Variants in CDH4 observed in about 807,000 individuals in gnomAD.
CDH4 encodes cadherin-4.
In CDH4, 33 loss-of-function variants were observed where a neutral mutation model predicts 86.0. The observed-to-expected ratio is 0.38, with a 90% CI of 0.29 to 0.51. CDH4 has a LOEUF of 0.51. Among genes scored for constraint, CDH4 ranks in the 20% least tolerant of loss-of-function variants. The probability of loss-of-function intolerance (pLI) is 0.86; values close to 1 mark genes in which losing one functional copy is unlikely to be tolerated. For synonymous variants in CDH4, 555 were observed against 549.4 expected (o/e 1.01, Z -0.14); for missense variants, 1,114 against 1,307.4 (o/e 0.85, Z 2.28).
At chr20:61,699,409 G>C (rs1025602299) in intron 2 of CDH4, among the ~76,000 whole-genome samples, 1 of 152,206 alleles carries the variant, frequency 6.6e-6, no homozygotes, top group Non-Finnish European at 1.5e-5. Context: ...CGGTTGCCAG[G>C]TCAGCGGGCA....
chr20:61,585,121 T>C (rs1418472754), intron 2 of CDH4, among the ~76,000 whole-genome samples: 1 of 152,216 alleles, frequency 6.6e-6, no homozygotes, highest in Admixed American at 6.5e-5. Context: ...TGGCTCAGGG[T>C]GACCAACACG....
intron 2 of CDH4, among the ~76,000 whole-genome samples, chr20:61,628,321 A>G (rs2086851409): frequency 6.6e-6 from 1 of 151,658 alleles, no homozygotes; most frequent in Admixed American, 6.6e-5. Context: ...CTGCACATGG[A>G]ACCGGGCACC....
chr20:61,514,103 A>G (rs2085799805), intron 2 of CDH4, among the ~76,000 whole-genome samples: 1 of 152,246 alleles, frequency 6.6e-6, no homozygotes, highest in Non-Finnish European at 1.5e-5. Context: ...TATGTGGCTT[A>G]AAAAGGACAT....
intron 8 of CDH4, among the ~76,000 whole-genome samples, chr20:61,903,899 A>T (rs1021899380): frequency 1.3e-5 from 2 of 152,208 alleles, no homozygotes; most frequent in African/African-American, 4.8e-5. Context: ...CATGAGCCCA[A>T]GGTGCCCCTT....
chr20:61,343,470 G>C (rs1329687548), intron 2 of CDH4, among the ~76,000 whole-genome samples: 1 of 152,228 alleles, frequency 6.6e-6, no homozygotes, highest in Non-Finnish European at 1.5e-5. Context: ...GTGTATCAGT[G>C]TTGGAGCCCA....
intron 2 of CDH4, among the ~76,000 whole-genome samples, chr20:61,616,824 C>T (rs989125275): frequency 2.6e-5 from 4 of 152,202 alleles, no homozygotes; most frequent in South Asian, 4.1e-4. Context: ...GGCCAGAAAA[C>T]GCACCACTGC....
intron 2 of CDH4, among the ~76,000 whole-genome samples, chr20:61,356,250 C>T (rs911856058): frequency 1.3e-5 from 2 of 152,192 alleles, no homozygotes; most frequent in Non-Finnish European, 2.9e-5. Context: ...GCCCAAGAAA[C>T]TGCATCTGGA....
In CDH4 at chr20:61,902,577, C is replaced by T. The variant is rs1314235752; in HGVS notation, c.1188+7530C>T. 6.6e-6 allele frequency among the ~76,000 whole-genome samples: 1 copy of T among 152,138 alleles called. No individual in the cohort carries two copies. The highest frequency in any genetic ancestry group is 6.5e-5 in the Admixed American group (1 of 15,274). On this transcript the variant is annotated intron_variant, in intron 8 of 15. Coordinates refer to ENST00000614565, the MANE Select transcript of CDH4 (RefSeq NM_001794.5). The surrounding 1 kb of genome is among the most constrained non-coding windows in gnomAD (Gnocchi z 4.6). The stretch of plus-strand genomic sequence containing the variant: ...GAGTAAATGTTTGCGCTTTGGCTGC[C>T]GGAAGGTCTCCGTGGCAACTCCGAA...
intron 2 of CDH4, among the ~76,000 whole-genome samples, chr20:61,559,647 T>C (rs1327596524): frequency 1.3e-5 from 2 of 149,090 alleles, no homozygotes; most frequent in African/African-American, 2.5e-5. Flanking sequence ...GCCTCCCGAG[T>C]AGCTGGGACT....
chr20:61,563,976 A>G (rs1292710467), intron 2 of CDH4, among the ~76,000 whole-genome samples: 3 of 152,092 alleles, frequency 2.0e-5, no homozygotes, highest in Admixed American at 2.0e-4. Context: ...CTACCCAGAA[A>G]TGAGACTAAT....
intron 2 of CDH4, among the ~76,000 whole-genome samples, chr20:61,261,099 G>C (rs770816047): frequency 2.0e-5 from 3 of 152,190 alleles, no homozygotes; most frequent in Non-Finnish European, 4.4e-5. Context: ...GCAAGAGGGA[G>C]CTGTGGTCAG....
chr20:61,880,395 T>C (rs1010298353), intron 7 of CDH4, among the ~76,000 whole-genome samples: 2 of 152,104 alleles, frequency 1.3e-5, no homozygotes, highest in African/African-American at 4.8e-5. Context: ...AAAAAAAATA[T>C]TAGCAATTGA....
At chr20:61,780,495 C>T (rs1978480546) in intron 4 of CDH4, among the ~76,000 whole-genome samples, 1 of 152,228 alleles carries the variant, frequency 6.6e-6, no homozygotes. Context: ...TCGTTAAACA[C>T]TCATTAAGTG....
intron 7 of CDH4, among the ~76,000 whole-genome samples, chr20:61,874,844 T>G (rs1249294101): frequency 6.6e-6 from 1 of 152,356 alleles, no homozygotes; most frequent in Middle Eastern, 3.4e-3. Flanking sequence ...GCCACCTCGC[T>G]GGGCTCACAG....
At chr20:61,258,003 T>G (rs931822515) in intron 2 of CDH4, among the ~76,000 whole-genome samples, 6 of 152,090 alleles carry the variant, frequency 3.9e-5, no homozygotes, top group African/African-American at 1.4e-4. Context: ...ATCCTCAGAT[T>G]AACATGGGTA....
chr20:61,636,007 C>G (rs948044296), intron 2 of CDH4, among the ~76,000 whole-genome samples: 4 of 152,230 alleles, frequency 2.6e-5, no homozygotes, highest in Non-Finnish European at 5.9e-5. Context: ...AGGCCTGAGT[C>G]CTCTCCAGTA....
In CDH4 at chr20:61,623,035, ACAGT is replaced by A. The variant is rs1256792759; in HGVS notation, c.170-120524_170-120521del. Among the ~76,000 whole-genome samples, 1 of 152,182 alleles carries A rather than the reference ACAGT, an allele frequency of 6.6e-6. No individual in the cohort carries two copies. The highest frequency in any genetic ancestry group is 1.5e-5 in the Non-Finnish European group (1 of 68,040). ...CATGGACCACAACCAGTCATTTAAG[ACAGT>A]CAGGGAAACAAACGGGGAGGTGCCT... On this transcript the variant is annotated intron_variant, in intron 2 of 15. Coordinates refer to ENST00000614565, the MANE Select transcript of CDH4 (RefSeq NM_001794.5). This position sits in a 1 kb window ranked among gnomAD's most constrained non-coding sequence, Gnocchi z 4.4.
At chr20:61,492,812 C>T (rs1055385296) in intron 2 of CDH4, among the ~76,000 whole-genome samples, 2 of 152,096 alleles carry the variant, frequency 1.3e-5, no homozygotes, top group African/African-American at 2.4e-5. Flanking sequence ...TAGTATAGAA[C>T]ATTTGGGGAA....
intron 2 of CDH4, 120 bp downstream of exon 2, chr20:61,255,057 G>GAA: frequency 2.9e-6 from 2 of 690,178 alleles, no homozygotes; most frequent in Non-Finnish European, 5.3e-6. Flanking sequence ...TGATGGTGGT[G>GAA]AAGTCCACGA....
Sources: gnomAD v4.1 joint callset for allele counts (sites outside exome capture counted in the v4.1 genomes callset) on GRCh38, gnomAD v4.1.1 for gene constraint, Gnocchi (gnomAD v3.1) non-coding constraint, MANE v1.5 for transcripts, NCBI Gene and HGNC (gene_info 2026-07-23, HGNC 2026-07-21) for gene names.